ZNF254: variants seen among roughly 807,000 people sequenced by gnomAD.
ZNF254 encodes the protein CTD-2017D11.1.
In ZNF254, 10 loss-of-function variants were observed where a neutral mutation model predicts 12.4. The ratio of observed to expected loss-of-function variants is 0.80; its 90% CI spans 0.50 to 1.36. ZNF254 has a LOEUF of 1.36. ZNF254 is among the 40% of genes most tolerant of loss of function. The probability of loss-of-function intolerance (pLI) is 0.00; values close to 1 mark genes in which losing one functional copy is unlikely to be tolerated. For synonymous variants in ZNF254, 305 were observed against 253.4 expected, an observed-to-expected ratio of 1.20 and a Z score of -1.93; for missense variants, 996 against 763.9, an observed-to-expected ratio of 1.30 and a Z score of -3.58.
intron 2 of ZNF254, among the ~76,000 whole-genome samples, chr19:24,048,369 T>A (rs1471477579): frequency 6.6e-6 from 1 of 152,260 alleles, no homozygotes; most frequent in Non-Finnish European, 1.5e-5. Flanking sequence ...GGTGGGCTTC[T>A]GCCTCCGCCA....
chr19:24,109,814 C>T (rs541558840), intron 3 of ZNF254, among the ~76,000 whole-genome samples: 9 of 149,478 alleles, frequency 6.0e-5, no homozygotes, highest in African/African-American at 9.9e-5. Context: ...CTCCACCTCT[C>T]GGGTTTAAGT....
At position 24,105,980 on chromosome 19, in the gene ZNF254, T is replaced by C; in HGVS notation, c.71T>C (p.Leu24Pro). The change falls in exon 2 of 4, where the codon CTG becomes CCG. Residue 24 changes from leucine to proline, a missense_variant. Coordinates refer to ENST00000357002, the MANE Select transcript of ZNF254 (RefSeq NM_203282.4). ...TFRDVAIEFS[L>P]EEWQHLDIAQ... The stretch of plus-strand genomic sequence containing the variant: ...AGGGATGTGGCCATAGAATTCTCTC[T>C]GGAGGAGTGGCAACACCTGGACATT... 2.5e-6 allele frequency: 4 copies of C among 1,599,722 alleles called. No homozygotes were observed. The highest frequency in any genetic ancestry group is 3.4e-6 in the Non-Finnish European group (4 of 1,171,334).
intron 1 of ZNF254, among the ~76,000 whole-genome samples, chr19:24,089,172 C>T (rs1355068350): frequency 2.0e-5 from 3 of 151,940 alleles, no homozygotes; most frequent in Non-Finnish European, 4.4e-5. Context: ...GACAGGGTTT[C>T]TCCATGTTGG....
intron 1 of ZNF254, among the ~76,000 whole-genome samples, chr19:24,093,879 A>G (rs1198942005): frequency 2.0e-5 from 3 of 152,138 alleles, no homozygotes; most frequent in South Asian, 2.1e-4. Context: ...GGGGGGCAGT[A>G]TGATCATTTT....
rs1244855272 is a variant in ZNF254, at chr19:24,116,266, T to C, written c.253+9623T>C. 3.9e-5 allele frequency among the ~76,000 whole-genome samples: 6 copies of C among 152,308 alleles called. No homozygotes were observed. The East Asian group carries it at 9.6e-4, about 24-fold the overall frequency. On this transcript the variant is annotated intron_variant, in intron 3 of 3. Coordinates refer to ENST00000357002, the MANE Select transcript of ZNF254 (RefSeq NM_203282.4). ...CTGCCTTGCTAGATTAGGGAAGTTC[T>C]CCTGGATAATATCCTGCAGAGTGTT...
intron 1 of ZNF254, chr19:24,104,315 G>A (rs1973206741): frequency 6.6e-6 from 1 of 152,230 alleles, no homozygotes; most frequent in Admixed American, 6.5e-5. Context: ...GACTTTGAGT[G>A]TGGTGGTAAC....
At chr19:24,106,740 G>T in intron 3 of ZNF254, 97 bp downstream of exon 3, 2 of 1,130,608 alleles carry the variant, frequency 1.8e-6, no homozygotes, top group East Asian at 3.2e-5. Context: ...GTGATCCAAA[G>T]GAAATAGTTT....
intron 1 of ZNF254, among the ~76,000 whole-genome samples, chr19:24,041,564 G>A (rs542938518): frequency 2.6e-5 from 4 of 152,350 alleles, no homozygotes; most frequent in East Asian, 3.9e-4. Context: ...GGCAGGGCTC[G>A]GGACCTGCAG....
intron 2 of ZNF254, among the ~76,000 whole-genome samples, chr19:24,069,003 G>A (rs140450562): frequency 8.2e-4 from 124 of 152,046 alleles, no homozygotes; most frequent in African/African-American, 2.7e-3. Flanking sequence ...ATGATATTGC[G>A]TTTCTTTTCT....
upstream of ZNF254, among the ~76,000 whole-genome samples, chr19:24,085,892 T>C (rs549145625): frequency 6.6e-6 from 1 of 152,238 alleles, no homozygotes; most frequent in African/African-American, 2.4e-5. Flanking sequence ...AAAAATAATG[T>C]AGATTAAAAT....
intron 2 of ZNF254, among the ~76,000 whole-genome samples, chr19:24,056,948 A>G (rs973443804): frequency 1.3e-5 from 2 of 150,168 alleles, no homozygotes; most frequent in African/African-American, 4.9e-5. Flanking sequence ...CTCCCTATCC[A>G]CAGTGGAGAT....
intron 3 of ZNF254, chr19:24,107,360 CCTCT>C: frequency 2.4e-6 from 1 of 422,832 alleles, no homozygotes; most frequent in African/African-American, 2.1e-5. Flanking sequence ...TTATTAGTGT[CCTCT>C]CTAATTTTTT....
At chr19:24,119,228 G>C (rs1218827303) in intron 3 of ZNF254, among the ~76,000 whole-genome samples, 1 of 151,946 alleles carries the variant, frequency 6.6e-6, no homozygotes, top group East Asian at 1.9e-4. Context: ...GTCTCACTCT[G>C]TCACCCAGGC....
At chr19:24,049,184 TTATATATATATATATA>T (rs1159690517) in intron 2 of ZNF254, among the ~76,000 whole-genome samples, 7 of 63,164 alleles carry the variant, frequency 1.1e-4, no homozygotes, top group African/African-American at 3.1e-4. Context: ...GGCTCTGGTT[TTATATATATATATATA>T]TATATATATA....
intron 1 of ZNF254, among the ~76,000 whole-genome samples, chr19:24,098,243 G>A (rs1028066793): frequency 1.3e-5 from 2 of 152,080 alleles, no homozygotes; most frequent in African/African-American, 4.8e-5. Flanking sequence ...TTAACCAATA[G>A]GGATAATTAT....
At chr19:24,105,143 A>G (rs1391179519) in intron 1 of ZNF254, 1 of 158,084 alleles carries the variant, frequency 6.3e-6, no homozygotes, top group East Asian at 1.9e-4. Context: ...TGTTGATGCT[A>G]ATAACTCAAT....
At chr19:24,124,083 TC>T (rs1484402623) in intron 3 of ZNF254, among the ~76,000 whole-genome samples, 3 of 152,096 alleles carry the variant, frequency 2.0e-5, no homozygotes, top group Non-Finnish European at 4.4e-5. Flanking sequence ...TTTCTTTGTG[TC>T]TTTTTGATAT....
chr19:24,109,027 C>T (rs368761277), intron 3 of ZNF254, among the ~76,000 whole-genome samples: 8 of 152,146 alleles, frequency 5.3e-5, no homozygotes, highest in African/African-American at 1.9e-4. Flanking sequence ...TGGCGGCACG[C>T]GCCTGTAGTC....
In ZNF254 at chr19:24,075,094, T is replaced by G. The variant is rs139266209; in HGVS notation, c.-94+28815T>G. 9.5e-4 allele frequency among the ~76,000 whole-genome samples: 144 copies of G among 152,352 alleles called. 1 individual carries two copies. The highest frequency in any genetic ancestry group is 3.4e-3 in the African/African-American group (140 of 41,590). ...ATGGACTCTTTTCAGGAGGGTATTATGAAATATCATTTTGTTTATCACTTA... is the reference window on the plus strand; with the variant it reads ...ATGGACTCTTTTCAGGAGGGTATTAGGAAATATCATTTTGTTTATCACTTA... On this transcript the variant is annotated intron_variant, in intron 2 of 4. Coordinates refer to the ZNF254 transcript ENST00000613065.
Sources: allele counts gnomAD v4.1 joint callset (sites outside exome capture counted in the v4.1 genomes callset), GRCh38; gene constraint gnomAD v4.1.1; transcripts MANE v1.5; gene names NCBI Gene and HGNC (gene_info 2026-07-23, HGNC 2026-07-21).